Variants in TMC1 observed in about 807,000 individuals in gnomAD.
TMC1 encodes the protein transmembrane channel like 1, also known as transmembrane channel-like protein 1.
A neutral mutation model predicts 105.8 loss-of-function variants in TMC1; 84 were observed. The observed-to-expected ratio is 0.79, with a 90% confidence interval of 0.67 to 0.95. The LOEUF is 0.95. Ranked by LOEUF, TMC1 falls within the 40% of genes least tolerant of loss-of-function variation. TMC1 has a pLI of 0.00. For missense variants in TMC1, 817 were observed against 914.1 expected, an observed-to-expected ratio of 0.89 and a Z score of 1.37; for synonymous variants, 315 against 311.5, an observed-to-expected ratio of 1.01 and a Z score of -0.12.
At chr9:72,709,016 G>T (rs1408546174) in intron 8 of TMC1, among the ~76,000 whole-genome samples, 1 of 151,440 alleles carries the variant, frequency 6.6e-6, no homozygotes, top group Admixed American at 6.6e-5. Flanking sequence ...TTTTCGGGGG[G>T]GTGGGTGTTT....
At chr9:72,673,411 C>A (rs1156877905) in intron 5 of TMC1, among the ~76,000 whole-genome samples, 4 of 151,956 alleles carry the variant, frequency 2.6e-5, no homozygotes, top group Non-Finnish European at 5.9e-5. Flanking sequence ...TAATAACACC[C>A]AAAACTTGTT....
chr9:72,570,676 C>CTTTTTTTTTTT (rs529953890), intron 1 of TMC1, among the ~76,000 whole-genome samples: 1 of 75,648 alleles, frequency 1.3e-5, no homozygotes, highest in Non-Finnish European at 2.3e-5. Context: ...GCCAAATTTC[C>CTTTTTTTTTTT]TTTTTTTTTT....
intron 4 of TMC1, among the ~76,000 whole-genome samples, chr9:72,644,141 T>C (rs1382867057): frequency 6.6e-6 from 1 of 152,158 alleles, no homozygotes; most frequent in Non-Finnish European, 1.5e-5. Context: ...TTAGTAACTT[T>C]GGAGAGTGCT....
chr9:72,606,739 A>G (rs777670238), intron 2 of TMC1, among the ~76,000 whole-genome samples: 2 of 152,162 alleles, frequency 1.3e-5, no homozygotes, highest in East Asian at 3.8e-4. Context: ...TGCTCTAAAT[A>G]AAAAGCACCA....
chr9:72,777,488 G>C (rs764965553), intron 13 of TMC1, among the ~76,000 whole-genome samples: 52 of 152,098 alleles, frequency 3.4e-4, no homozygotes, highest in Non-Finnish European at 8.8e-5. Flanking sequence ...AGGGTAAGTG[G>C]ACCTGGCCTA....
At chr9:72,676,909 A>C (rs373767671) in intron 5 of TMC1, among the ~76,000 whole-genome samples, 1 of 152,174 alleles carries the variant, frequency 6.6e-6, no homozygotes. Flanking sequence ...ATTTGAAGAA[A>C]TATAACAAAA....
At chr9:72,792,438 A>G (rs1828288945) in intron 17 of TMC1, 86 bp downstream of exon 17, 1 of 1,524,634 alleles carries the variant, frequency 6.6e-7, no homozygotes, top group South Asian at 1.1e-5. Context: ...CTTTTAAAAA[A>G]TTGCTTATTA....
intron 2 of TMC1, among the ~76,000 whole-genome samples, chr9:72,584,892 C>A (rs1312933217): frequency 6.9e-6 from 1 of 144,298 alleles, no homozygotes; most frequent in African/African-American, 2.6e-5. Flanking sequence ...TCAAGTGATT[C>A]TCCTACGTCA....
At chr9:72,682,949 G>A (rs1390653954) in intron 5 of TMC1, among the ~76,000 whole-genome samples, 1 of 152,218 alleles carries the variant, frequency 6.6e-6, no homozygotes, top group Non-Finnish European at 1.5e-5. Flanking sequence ...GCCGGAGCAG[G>A]AGGAAGAGAG....
intron 5 of TMC1, among the ~76,000 whole-genome samples, chr9:72,664,902 C>G (rs1826018127): frequency 6.6e-6 from 1 of 152,194 alleles, no homozygotes; most frequent in Non-Finnish European, 1.5e-5. Flanking sequence ...AGCACACCCA[C>G]TGGGGCTTTG....
At chr9:72,632,905 A>T (rs1359301864) in intron 4 of TMC1, among the ~76,000 whole-genome samples, 1 of 152,182 alleles carries the variant, frequency 6.6e-6, no homozygotes, top group Non-Finnish European at 1.5e-5. Context: ...GGACCAGATT[A>T]TGAGGCAGTT....
chr9:72,662,232 G>C (rs531066355), intron 5 of TMC1, among the ~76,000 whole-genome samples: 20 of 150,254 alleles, frequency 1.3e-4, no homozygotes, highest in African/African-American at 4.9e-4. Context: ...TGTCACCCAG[G>C]CTGGAGTACA....
chr9:72,584,091 A>C (rs1306013569), intron 2 of TMC1, among the ~76,000 whole-genome samples: 1 of 152,200 alleles, frequency 6.6e-6, no homozygotes, highest in Non-Finnish European at 1.5e-5. Context: ...AAGAAATACA[A>C]AACAAACTAA....
intron 17 of TMC1, among the ~76,000 whole-genome samples, chr9:72,799,780 G>A (rs535510578): frequency 8.1e-4 from 124 of 152,240 alleles, no homozygotes; most frequent in African/African-American, 2.2e-3. Context: ...TCTCTGGAAC[G>A]ATAAATATGT....
At chr9:72,536,832 G>T (rs1050782376) in intron 1 of TMC1, among the ~76,000 whole-genome samples, 4 of 152,108 alleles carry the variant, frequency 2.6e-5, no homozygotes, top group Admixed American at 2.0e-4. Flanking sequence ...TGTTGCTGGT[G>T]GCTCTATAAT....
intron 3 of TMC1, among the ~76,000 whole-genome samples, chr9:72,618,522 T>C (rs1336312957): frequency 6.6e-6 from 1 of 152,180 alleles, no homozygotes; most frequent in Non-Finnish European, 1.5e-5. Context: ...CTGATGTGAC[T>C]GTGCATCCCT....
chr9:72,657,917 T>A (rs1185701967), intron 5 of TMC1, among the ~76,000 whole-genome samples: 2 of 152,198 alleles, frequency 1.3e-5, no homozygotes, highest in Non-Finnish European at 2.9e-5. Flanking sequence ...GAAATTAATT[T>A]TTAGTACTAA....
At chr9:72,575,370 G>C (rs957945848) in intron 1 of TMC1, among the ~76,000 whole-genome samples, 2 of 151,972 alleles carry the variant, frequency 1.3e-5, no homozygotes, top group African/African-American at 4.8e-5. Flanking sequence ...TAGTACTGAC[G>C]GGGTTTCACC....
In TMC1 at chr9:72,647,063, A is replaced by G. The variant is rs186193905; in HGVS notation, c.-52-1534A>G. Among the ~76,000 whole-genome samples, 149 of 149,582 alleles carry G rather than the reference A, an allele frequency of 1.0e-3. 3 individuals carry two copies. In the East Asian group the frequency reaches 0.027, roughly 27 times the overall value. ...AGGCTGAGGCAGGAAAATTGCTTGA[A>G]CCCAGGAGGTGGAGGTTGCAGTGAG... On this transcript the variant is annotated intron_variant, in intron 4 of 23. Coordinates refer to ENST00000297784, the MANE Select transcript of TMC1 (RefSeq NM_138691.3).
Sources: gnomAD v4.1 joint callset for allele counts (sites outside exome capture counted in the v4.1 genomes callset) on GRCh38, gnomAD v4.1.1 for gene constraint, MANE v1.5 for transcripts, NCBI Gene and HGNC (gene_info 2026-07-23, HGNC 2026-07-21) for gene names.